Variants in JPH3 observed in about 807,000 individuals in gnomAD.
JPH3 encodes the protein junctophilin-3.
A neutral mutation model predicts 59.6 loss-of-function variants in JPH3; 11 were observed. That is an observed-to-expected ratio of 0.18 (90% CI 0.12 to 0.31). JPH3 has a LOEUF of 0.31. Ranked by LOEUF, JPH3 falls within the 10% of genes least tolerant of loss-of-function variation. The pLI, the probability that JPH3 is intolerant of heterozygous loss-of-function variation, is 1.00. For synonymous variants in JPH3, 673 were observed against 483.6 expected, an observed-to-expected ratio of 1.39 and a Z score of -5.14; for missense variants, 1,202 against 1,105.7, an observed-to-expected ratio of 1.09 and a Z score of -1.24.
At chr16:87,678,287 T>C (rs1597284905) in intron 2 of JPH3, among the ~76,000 whole-genome samples, 1 of 152,092 alleles carries the variant, frequency 6.6e-6, no homozygotes, top group Non-Finnish European at 1.5e-5. Context: ...CTCACATCTG[T>C]AATCCCAGCA....
chr16:87,669,236 C>G (rs8051906), intron 2 of JPH3, among the ~76,000 whole-genome samples: 73,326 of 151,906 alleles, frequency 0.48, 17,825 homozygotes, highest in South Asian at 0.62. Context: ...CAGGAATCTG[C>G]ATGTTAGTGG....
rs1039241359 is a variant in JPH3, at chr16:87,611,681, ACAAGAACCACCTGGAAGGTGTGT to A, written c.382+8159_382+8181del. ...CCAGTGCTTCCCAAGCCTGAGTGTT[ACAAGAACCACCTGGAAGGTGTGT>A]CAAGACACAGATTTCCAGCCCCACC... On this transcript the variant is annotated intron_variant, in intron 1 of 4. Coordinates refer to ENST00000284262, the MANE Select transcript of JPH3 (RefSeq NM_020655.4). The surrounding 1 kb of genome is among the most constrained non-coding windows in gnomAD (Gnocchi z 4.5). Among the ~76,000 whole-genome samples the A allele has an allele frequency of 1.8e-4, 27 of 152,210 alleles. 1 individual carries two copies. Among genetic ancestry groups the A allele is most frequent in the Admixed American group, 1.7e-3 (26 of 15,288 alleles).
rs756262017 is a variant in JPH3 at position 87,644,804 on chromosome 16, A to T, written c.929A>T (p.Lys310Met). 5 of 1,613,232 alleles carry T rather than the reference A, an allele frequency of 3.1e-6. No homozygotes were observed. The highest frequency in any genetic ancestry group is 4.2e-6 in the Non-Finnish European group (5 of 1,179,794). ...FGVSQRSDGL[K>M]YEGEWASNRR... ...GTGAGCCAGCGCTCGGACGGGCTCA[A>T]GTACGAGGGCGAGTGGGCCAGCAAC... The change falls in exon 2 of 5, where the codon AAG becomes ATG. Residue 310 changes from lysine (K) to methionine (M), a missense_variant. Physicochemically the swap from Lys to Met is moderately conservative, Grantham distance 95. Transcript: ENST00000284262.
intron 2 of JPH3, among the ~76,000 whole-genome samples, chr16:87,656,977 A>C (rs902243729): frequency 4.6e-5 from 7 of 152,150 alleles, no homozygotes; most frequent in Non-Finnish European, 1.0e-4. Flanking sequence ...TAAGGTCACC[A>C]GTCCCATCAG....
intron 2 of JPH3, among the ~76,000 whole-genome samples, chr16:87,676,719 G>C (rs928253790): frequency 6.6e-6 from 1 of 151,554 alleles, no homozygotes; most frequent in South Asian, 2.1e-4. Context: ...GGGTGACAGA[G>C]CAAGACTCCA....
chr16:87,644,657 A>G lies in JPH3; in HGVS notation c.782A>G (p.His261Arg), dbSNP rs775908489. 20 of 1,611,212 alleles carry G rather than the reference A, an allele frequency of 1.2e-5. No homozygotes were observed. The highest frequency in any genetic ancestry group is 1.6e-5 in the Non-Finnish European group (19 of 1,179,704). ...STVSSTASDI[H>R]STISLGEAEA... ...GTCAGCTCCACGGCCAGCGACATCC[A>G]CTCCACCATCAGCCTGGGCGAGGCT... Residue 261 changes from histidine to arginine, a missense_variant, in exon 2 of 5, where the codon CAC becomes CGC. His to Arg is a conservative substitution (Grantham distance 29). Coordinates refer to ENST00000284262, the MANE Select transcript of JPH3 (RefSeq NM_020655.4).
chr16:87,683,843 C>T (rs1405840658), intron 2 of JPH3: 27 of 319,746 alleles, frequency 8.4e-5, no homozygotes, highest in South Asian at 1.4e-4. Flanking sequence ...TGAGCTCAAG[C>T]GATCTTCCTG....
chr16:87,685,291 C>T lies in JPH3; in HGVS notation c.1285+1025C>T, dbSNP rs573177170. Among the ~76,000 whole-genome samples the T allele has an allele frequency of 1.2e-4, 19 of 152,342 alleles. No homozygotes were observed. The East Asian group carries it at 3.5e-3, about 28-fold the overall frequency. On this transcript the variant is annotated intron_variant, in intron 3 of 4. Coordinates refer to ENST00000284262, the MANE Select transcript of JPH3 (RefSeq NM_020655.4). ...AGCCTGGAGGTCAGGAGGACGAGCCCCCGCACCCCCACCGCCTTGGGCAGC... is the reference window on the plus strand; with the variant it reads ...AGCCTGGAGGTCAGGAGGACGAGCCTCCGCACCCCCACCGCCTTGGGCAGC...
chr16:87,696,717 A>G lies in JPH3; in HGVS notation c.*57A>G. 6.9e-7 allele frequency: 1 copy of G among 1,449,524 alleles called. No homozygotes were observed. The highest frequency in any genetic ancestry group is 9.7e-7 in the Non-Finnish European group (1 of 1,035,374). 89.8% of individuals were successfully genotyped at this position (1,449,524 alleles called of 1,614,324 possible). A position where few individuals can be genotyped will look rare whatever the true frequency, so the allele number is the denominator to read the frequency against. On this transcript the variant is annotated 3_prime_UTR_variant, in exon 5 of 5. Transcript: ENST00000284262. Reference sequence around the variant, plus strand: ...GGTAGAAAAAAGGGACATTAAAATTAAAAGCAAAACCACAAGAAGGGAAAG... The same window carrying G: ...GGTAGAAAAAAGGGACATTAAAATTGAAAGCAAAACCACAAGAAGGGAAAG...
At chr16:87,696,125 T>C (rs1027476335) in intron 4 of JPH3, 4 of 458,200 alleles carry the variant, frequency 8.7e-6, no homozygotes, top group Non-Finnish European at 1.7e-5. Context: ...TTCCAGGGCC[T>C]CTCTGCTGGG....
At chr16:87,669,436 C>T (rs2032958321) in intron 2 of JPH3, among the ~76,000 whole-genome samples, 1 of 152,246 alleles carries the variant, frequency 6.6e-6, no homozygotes, top group African/African-American at 2.4e-5. Context: ...CTCTGCAACA[C>T]ACGCCTGGGG....
chr16:87,617,930 A>C (rs1010898488), intron 1 of JPH3, among the ~76,000 whole-genome samples: 1 of 151,898 alleles, frequency 6.6e-6, no homozygotes, highest in African/African-American at 2.4e-5. Flanking sequence ...TGGGAGACTG[A>C]GGTGGGCGGA....
Position 87,648,876 on chromosome 16 carries a change from C to T in JPH3, c.1160+3841C>T, listed in dbSNP as rs576892339. Among the ~76,000 whole-genome samples, 45 of 152,310 alleles carry T rather than the reference C, an allele frequency of 3.0e-4. No individual in the cohort carries two copies. The South Asian group carries it at 6.6e-3, about 22-fold the overall frequency. On this transcript the variant is annotated intron_variant, in intron 2 of 4. Transcript: ENST00000284262. ...TGTCTCATCATGTCTAGGTGGGGGC[C>T]CCAGCACCTGCATGCTGACCTGGTC...
Position 87,676,986 on chromosome 16 carries a change from C to T in JPH3, c.1161-7156C>T, listed in dbSNP as rs57040824. ...GGAGATCGAAACCATGGTGAAACCC[C>T]GTCTCTACTAAGAATACAAAAAATT... is the stretch of plus-strand genomic sequence containing the variant. On this transcript the variant is annotated intron_variant, in intron 2 of 4. Coordinates refer to ENST00000284262, the MANE Select transcript of JPH3 (RefSeq NM_020655.4). Among the ~76,000 whole-genome samples, 875 of 151,770 alleles carry T rather than the reference C, an allele frequency of 5.8e-3. 27 individuals are homozygous for T. The highest frequency in any genetic ancestry group is 0.02 in the African/African-American group (827 of 41,154).
At chr16:87,666,930 G>A (rs2032882403) in intron 2 of JPH3, among the ~76,000 whole-genome samples, 1 of 152,210 alleles carries the variant, frequency 6.6e-6, no homozygotes. Context: ...CTGGGCCTGT[G>A]TGCCCCCTCC....
chr16:87,695,458 G>C (rs575252035), intron 4 of JPH3: 1 of 455,964 alleles, frequency 2.2e-6, no homozygotes, highest in Non-Finnish European at 4.4e-6. Context: ...GGAGGGCTCC[G>C]GGGGCTCTGA....
At chr16:87,636,657 C>A (rs1430578067) in intron 1 of JPH3, among the ~76,000 whole-genome samples, 1 of 152,180 alleles carries the variant, frequency 6.6e-6, no homozygotes, top group Non-Finnish European at 1.5e-5. Flanking sequence ...GTAGCCAAAC[C>A]CCTTTTCTTA....
At chr16:87,626,086 C>G (rs2031365241) in intron 1 of JPH3, among the ~76,000 whole-genome samples, 1 of 152,148 alleles carries the variant, frequency 6.6e-6, no homozygotes, top group Non-Finnish European at 1.5e-5. Flanking sequence ...TGTTTACCCT[C>G]CAACAGGTGT....
intron 2 of JPH3, among the ~76,000 whole-genome samples, chr16:87,661,017 T>G (rs1597271992): frequency 6.6e-6 from 1 of 152,260 alleles, no homozygotes; most frequent in Non-Finnish European, 1.5e-5. Context: ...TGTATGCACA[T>G]AATGAGATAT....
Sources: allele counts gnomAD v4.1 joint callset (sites outside exome capture counted in the v4.1 genomes callset), GRCh38; gene constraint gnomAD v4.1.1; non-coding constraint Gnocchi (gnomAD v3.1); transcripts MANE v1.5; gene names NCBI Gene and HGNC (gene_info 2026-07-23, HGNC 2026-07-21).